CMBL: variants seen among roughly 807,000 people sequenced by gnomAD.
CMBL encodes the protein carboxymethylenebutenolidase homolog.
In CMBL, 17 loss-of-function variants were observed where a neutral mutation model predicts 28.7. The observed-to-expected ratio is 0.59, with a 90% CI of 0.41 to 0.89. The LOEUF is 0.89. Ranked by LOEUF, CMBL falls within the 40% of genes least tolerant of loss-of-function variation. The probability of loss-of-function intolerance (pLI) is 0.00; values close to 1 mark genes in which losing one functional copy is unlikely to be tolerated. For synonymous variants in CMBL, 106 were observed against 101.6 expected (o/e 1.04, Z -0.26); for missense variants, 310 against 298.5 (o/e 1.04, Z -0.28).
At chr5:10,288,673 G>C in intron 2 of CMBL, 144 bp from the exon 3 acceptor site, 1 of 640,520 alleles carries the variant, frequency 1.6e-6, no homozygotes, top group South Asian at 1.7e-5. Flanking sequence ...AATTTTGATC[G>C]CAGCAAAGCA....
Position 10,286,470 on chromosome 5 carries a change from A to T in CMBL, c.350T>A (p.Leu117Gln). The T allele has an allele frequency of 6.2e-7, 1 of 1,614,136 alleles. No individual in the cohort carries two copies. The highest frequency in any genetic ancestry group is 1.1e-5 in the South Asian group (1 of 91,058). ...TTTCTGGGCATGACACTGTTGTTTC[A>T]GATACTTCAAGATAGCACTGATCTC... ...DREISAILKY[L>Q]KQQCHAQKIG... The change falls in exon 4 of 6, where the codon CTG becomes CAG. Residue 117 changes from leucine to glutamine, a missense_variant. Physicochemically the swap from Leu to Gln is moderately radical, Grantham distance 113. Coordinates refer to ENST00000296658, the MANE Select transcript of CMBL (RefSeq NM_138809.4).
intron 1 of CMBL, among the ~76,000 whole-genome samples, chr5:10,300,864 AT>A (rs2126562406): frequency 6.8e-6 from 1 of 146,838 alleles, no homozygotes; most frequent in East Asian, 2.0e-4. Context: ...TTATATATTT[AT>A]TTTTATTTAA....
At chr5:10,303,334 G>A (rs1169954395) in intron 1 of CMBL, among the ~76,000 whole-genome samples, 1 of 152,172 alleles carries the variant, frequency 6.6e-6, no homozygotes, top group African/African-American at 2.4e-5. Context: ...GGCCCTCTGG[G>A]GGCTGTGTCA....
At chr5:10,285,802 G>A (rs767234959) in intron 4 of CMBL, among the ~76,000 whole-genome samples, 3 of 150,364 alleles carry the variant, frequency 2.0e-5, no homozygotes, top group Non-Finnish European at 3.0e-5. Context: ...GGGCTCAAGC[G>A]ATTTTCCCAC....
chr5:10,287,535 A>T (rs1486835318), intron 3 of CMBL, among the ~76,000 whole-genome samples: 3 of 152,086 alleles, frequency 2.0e-5, no homozygotes, highest in African/African-American at 7.2e-5. Flanking sequence ...ATATTAGGTA[A>T]ACTGTACACT....
At chr5:10,291,239 A>G (rs1306942113) in intron 1 of CMBL, among the ~76,000 whole-genome samples, 3 of 152,182 alleles carry the variant, frequency 2.0e-5, no homozygotes, top group Admixed American at 1.3e-4. Flanking sequence ...CACGCCTGCA[A>G]TGTCGAGCCC....
In CMBL at chr5:10,288,539, A is replaced by G. The variant is rs973393177; in HGVS notation, c.216-10T>C. On this transcript the variant is annotated splice_polypyrimidine_tract_variant and intron_variant, in intron 2 of 5. Transcript: ENST00000296658. ...GTCTGGAACAATGGTTCTGCAAAAT[A>G]TGGACATGAATTGATCTTAGTTTCA... 10 of 1,558,574 alleles carry G rather than the reference A, an allele frequency of 6.4e-6. No homozygotes were observed. The highest frequency in any genetic ancestry group is 8.9e-6 in the Non-Finnish European group (10 of 1,129,484).
chr5:10,288,606 C>T, intron 2 of CMBL, 77 bp from the exon 3 acceptor site: 2 of 1,147,172 alleles, frequency 1.7e-6, no homozygotes, highest in Non-Finnish European at 2.6e-6. Flanking sequence ...TATTTAAAAA[C>T]TTGCTACGTT....
At chr5:10,290,981 T>TAACAACAA (rs2126550214) in intron 1 of CMBL, among the ~76,000 whole-genome samples, 200 bp from the exon 2 acceptor site, 1 of 152,158 alleles carries the variant, frequency 6.6e-6, no homozygotes, top group East Asian at 1.9e-4. Context: ...CCGGATTGAA[T>TAACAACAA]AACAACAAAA....
At position 10,283,233 on chromosome 5, in the gene CMBL, G is replaced by C. The variant is rs893920896; in HGVS notation, c.467-945C>G. Among the ~76,000 whole-genome samples the C allele has an allele frequency of 2.6e-5, 4 of 152,304 alleles. No individual in the cohort carries two copies. In the East Asian group the frequency reaches 7.7e-4, roughly 29 times the overall value. On this transcript the variant is annotated intron_variant, in intron 4 of 5. Transcript: ENST00000296658. The stretch of plus-strand genomic sequence containing the variant: ...GATACCTCGTCCGCTGCTTAGTATG[G>C]AAAGATGCGGAGCAGCCTGAGGAAT...
chr5:10,289,732 CTTCAAGGAAGGTCTTTTCA>C lies in CMBL; in HGVS notation c.215+797_215+815del, dbSNP rs1268833953. Among the ~76,000 whole-genome samples the C allele has an allele frequency of 6.6e-6, 1 of 152,208 alleles. No individual in the cohort carries two copies. On this transcript the variant is annotated intron_variant, in intron 2 of 5. Transcript: ENST00000296658. This position sits in a 1 kb window ranked among gnomAD's most constrained non-coding sequence, Gnocchi z 4.3. ...CACATGGGGACGTGAAAAAGGAAAA[CTTCAAGGAAGGTCTTTTCA>C]TTCAGCACCGACTCTGCATCCCACC...
In CMBL at chr5:10,280,514, T is replaced by C; in HGVS notation, c.677A>G (p.Asp226Gly). The C allele has an allele frequency of 6.2e-7, 1 of 1,613,906 alleles. No individual in the cohort carries two copies. Among genetic ancestry groups the C allele is most frequent in the Non-Finnish European group, 8.5e-7 (1 of 1,179,830 alleles). ...TCTGGCCTCGTCAATGTAGGGCTTG[T>C]CTGCAGGTGAGCAATCTTCTCTCTT... ...HRKREDCSPA[D>G]KPYIDEARRN... The change falls in exon 6 of 6, where the codon GAC becomes GGC. Residue 226 changes from aspartate to glycine, a missense_variant. Asp to Gly is a moderately conservative substitution (Grantham distance 94, BLOSUM62 -1). Transcript: ENST00000296658.
At chr5:10,299,891 GATTA>G (rs1476564755) in intron 1 of CMBL, among the ~76,000 whole-genome samples, 7 of 152,134 alleles carry the variant, frequency 4.6e-5, no homozygotes, top group African/African-American at 1.7e-4. Context: ...CACATGCAGT[GATTA>G]TGGAAAAATG....
rs368914544 is a variant in CMBL, at chr5:10,280,296, C to T, written c.*157G>A. 13 of 546,186 alleles carry T rather than the reference C, an allele frequency of 2.4e-5. No homozygotes were observed. Among genetic ancestry groups the T allele is most frequent in the African/African-American group, 1.3e-4 (7 of 53,352 alleles). The allele number at this position is 546,186 out of a possible 1,614,324, so 33.8% of individuals were successfully genotyped here. A position where few individuals can be genotyped will look rare whatever the true frequency, so the allele number is the denominator to read the frequency against. On this transcript the variant is annotated 3_prime_UTR_variant, in exon 6 of 6. Coordinates refer to ENST00000296658, the MANE Select transcript of CMBL (RefSeq NM_138809.4). ...ATGTCAAAAATTAAATTATTTCATG[C>T]ATTACGTCCTACTGAATTTGTGTTT...
chr5:10,288,016 C>T (rs1163860850), intron 3 of CMBL, among the ~76,000 whole-genome samples: 2 of 150,940 alleles, frequency 1.3e-5, no homozygotes, highest in Non-Finnish European at 2.9e-5. Context: ...CGGGTGTGAG[C>T]CACCATGCCC....
intron 1 of CMBL, among the ~76,000 whole-genome samples, chr5:10,300,487 C>T (rs1308225152): frequency 6.6e-6 from 1 of 152,160 alleles, no homozygotes; most frequent in Non-Finnish European, 1.5e-5. Flanking sequence ...GAACAGGCTG[C>T]ACCTGTAATT....
intron 1 of CMBL, among the ~76,000 whole-genome samples, chr5:10,303,327 C>A (rs1746944549): frequency 6.6e-6 from 1 of 152,208 alleles, no homozygotes; most frequent in Non-Finnish European, 1.5e-5. Context: ...GTTCTCAGGC[C>A]CTCTGGGGGC....
rs900966749 is a variant in CMBL, at chr5:10,278,654, C to T, written c.*1799G>A. Among the ~76,000 whole-genome samples the T allele has an allele frequency of 2.3e-4, 35 of 151,980 alleles. No individual in the cohort carries two copies. The highest frequency in any genetic ancestry group is 7.4e-5 in the Non-Finnish European group (5 of 68,004). On this transcript the variant is annotated 3_prime_UTR_variant, in exon 6 of 6. Transcript: ENST00000296658. ...TTGCTGGCCCTGTGAAGCGTGCTGC[C>T]CTCTGTTCTCTGGATCTGTAAGCAA...
intron 1 of CMBL, among the ~76,000 whole-genome samples, chr5:10,291,755 C>T (rs10060937): frequency 0.24 from 35,788 of 152,084 alleles, 5,848 homozygotes; most frequent in African/African-American, 0.47. Flanking sequence ...GAGAAATTAA[C>T]ACAATTGACT....
Sources: gnomAD v4.1 joint callset for allele counts (sites outside exome capture counted in the v4.1 genomes callset) on GRCh38, gnomAD v4.1.1 for gene constraint, Gnocchi (gnomAD v3.1) non-coding constraint, MANE v1.5 for transcripts, NCBI Gene and HGNC (gene_info 2026-07-23, HGNC 2026-07-21) for gene names.